The following IL1A variants were observed in gnomAD, a reference collection of about 807,000 sequenced individuals.
The protein encoded by IL1A is interleukin-1 alpha.
Under a neutral mutation model 22.2 loss-of-function variants are expected in IL1A, and 16 were observed. The ratio of observed to expected loss-of-function variants is 0.72; its 90% CI spans 0.49 to 1.09. IL1A has a LOEUF of 1.09. Ranked by LOEUF, IL1A falls within the 50% of genes least tolerant of loss-of-function variation. The pLI, the probability that IL1A is intolerant of heterozygous loss-of-function variation, is 0.00. For missense variants in IL1A, 317 were observed against 321.8 expected, an observed-to-expected ratio of 0.99 and a Z score of 0.11; for synonymous variants, 113 against 118.5, an observed-to-expected ratio of 0.95 and a Z score of 0.30.
chr2:112,781,320 G>A (rs190896909), intron 4 of IL1A, among the ~76,000 whole-genome samples: 10 of 152,262 alleles, frequency 6.6e-5, no homozygotes, highest in East Asian at 1.9e-4. Context: ...AACATAGCTC[G>A]TAAGTGGTCT....
At chr2:112,781,406 A>G (rs545591336) in intron 4 of IL1A, among the ~76,000 whole-genome samples, 198 bp downstream of exon 4, 1 of 152,318 alleles carries the variant, frequency 6.6e-6, no homozygotes, top group East Asian at 1.9e-4. Context: ...GCTGTGAGCA[A>G]GTATTCTCGA....
In IL1A at chr2:112,774,935, A is replaced by G; in HGVS notation, c.*132T>C. Reference sequence around the variant, plus strand: ...TGGTTCCACTCTTACAAAGAGTGTAAACATTCATTTAGAATTACAAGGCTC... The same window carrying G: ...TGGTTCCACTCTTACAAAGAGTGTAGACATTCATTTAGAATTACAAGGCTC... On this transcript the variant is annotated 3_prime_UTR_variant, in exon 7 of 7. Transcript: ENST00000263339. 3 of 670,498 alleles carry G rather than the reference A, an allele frequency of 4.5e-6. No homozygotes were observed. The highest frequency in any genetic ancestry group is 7.8e-6 in the Non-Finnish European group (3 of 383,478). The allele number at this position is 670,498 out of a possible 1,614,324, so 41.5% of individuals were successfully genotyped here. A position where few individuals can be genotyped will look rare whatever the true frequency, so the allele number is the denominator to read the frequency against.
intron 2 of IL1A, 84 bp from the exon 3 acceptor site, chr2:112,782,848 G>T: frequency 9.9e-7 from 1 of 1,009,480 alleles, no homozygotes; most frequent in Non-Finnish European, 1.6e-6. Flanking sequence ...CATGATAGTT[G>T]TGGGTCACAC....
chr2:112,777,006 C>T (rs982259962), intron 6 of IL1A, among the ~76,000 whole-genome samples: 1 of 152,022 alleles, frequency 6.6e-6, no homozygotes, highest in African/African-American at 2.4e-5. Context: ...CCATGACCCG[C>T]CCCCTCCTGT....
chr2:112,779,560 T>A lies in IL1A; in HGVS notation c.426A>T (p.Gln142His), dbSNP rs753694807. 6 of 1,611,494 alleles carry A rather than the reference T, an allele frequency of 3.7e-6. No homozygotes were observed. Among genetic ancestry groups the A allele is most frequent in the Non-Finnish European group, 5.1e-6 (6 of 1,178,154 alleles). ...ACTGATCATTGGCTCGAATTATACT[T>A]TGATTGAGGGCGTCATTCAGGATGA... ...YEFILNDALN[Q>H]SIIRANDQYL... The change falls in exon 5 of 7, where the codon CAA becomes CAT. Residue 142 changes from glutamine to histidine, a missense_variant. Transcript: ENST00000263339.
At chr2:112,782,629 A>G in intron 3 of IL1A, 87 bp downstream of exon 3, 1 of 982,222 alleles carries the variant, frequency 1.0e-6, no homozygotes, top group South Asian at 1.4e-5. Flanking sequence ...AAAAGTATTG[A>G]AGATTCAAGT....
At position 112,774,891 on chromosome 2, in the gene IL1A, C is replaced by T; in HGVS notation, c.*176G>A. 3.5e-6 allele frequency: 2 copies of T among 579,194 alleles called. No homozygotes were observed. The highest frequency in any genetic ancestry group is 6.2e-6 in the Non-Finnish European group (2 of 324,152). The allele number at this position is 579,194 out of a possible 1,614,324, so 35.9% of individuals were successfully genotyped here. ...AAAATATAGGGTGTTCTTTAAATAA[C>T]AACATTATATGTTAGTGTTGGTTCC... On this transcript the variant is annotated 3_prime_UTR_variant, in exon 7 of 7. Coordinates refer to ENST00000263339, the MANE Select transcript of IL1A (RefSeq NM_000575.5).
Position 112,775,258 on chromosome 2 carries a change from C to T in IL1A, c.625G>A (p.Glu209Lys), listed in dbSNP as rs144254850. ...CTACCTGTGATGGTTTTGGGTATCT[C>T]AGGCATCTCCTATGAAGAAAAGAAG... ...DQPVLLKEMPEIPKTITGSET... is the reference protein window; with the variant it reads ...DQPVLLKEMPKIPKTITGSET... Residue 209 changes from glutamate to lysine, a missense_variant, in exon 7 of 7, where the codon GAG becomes AAG. Physicochemically the swap from Glu to Lys is moderately conservative, Grantham distance 56. Coordinates refer to ENST00000263339, the MANE Select transcript of IL1A (RefSeq NM_000575.5). The T allele has an allele frequency of 1.2e-6, 2 of 1,613,242 alleles. No homozygotes were observed. The highest frequency in any genetic ancestry group is 1.7e-6 in the Non-Finnish European group (2 of 1,179,272).
chr2:112,782,477 A>G (rs1346873137), intron 3 of IL1A, among the ~76,000 whole-genome samples: 1 of 152,220 alleles, frequency 6.6e-6, no homozygotes, highest in Admixed American at 6.5e-5. Flanking sequence ...AGCCTGCCCC[A>G]GGAGACTCCA....
At chr2:112,782,610 G>A (rs1351262603) in intron 3 of IL1A, 106 bp downstream of exon 3, 4 of 808,050 alleles carry the variant, frequency 5.0e-6, no homozygotes, top group Non-Finnish European at 8.5e-6. Flanking sequence ...CCTCTAGTGA[G>A]GGTAAAACAA....
intron 4 of IL1A, 79 bp from the exon 5 acceptor site, chr2:112,779,745 A>G: frequency 1.5e-5 from 15 of 1,031,722 alleles, no homozygotes; most frequent in South Asian, 4.7e-5. Context: ...CAAACAGGGA[A>G]AATAGTTCTG....
chr2:112,782,094 G>T (rs997646007), intron 3 of IL1A, among the ~76,000 whole-genome samples: 1 of 152,210 alleles, frequency 6.6e-6, no homozygotes, highest in Non-Finnish European at 1.5e-5. Context: ...GGTTAACAAT[G>T]ATTGTAGTGA....
At chr2:112,775,724 T>C (rs1469899693) in intron 6 of IL1A, among the ~76,000 whole-genome samples, 3 of 152,096 alleles carry the variant, frequency 2.0e-5, no homozygotes, top group African/African-American at 7.2e-5. Flanking sequence ...TTTATCTCAG[T>C]ATTTAAGTCA....
intron 6 of IL1A, 36 bp downstream of exon 6, chr2:112,777,951 T>C (rs765890014): frequency 6.2e-7 from 1 of 1,611,398 alleles, no homozygotes; most frequent in South Asian, 1.1e-5. Context: ...ATATGAGATG[T>C]AAATGAAGGT....
In IL1A at chr2:112,781,691, C is replaced by T. The variant is rs138861340; in HGVS notation, c.232G>A (p.Gly78Arg). ...AACCGTCTCTTCTTCAGAACCTTCC[C>T]GTTGGTTGCTACTACCACCATGCTC... Reference protein sequence around the residue: ...KESMVVVATNGKVLKKRRLSL... With the variant: ...KESMVVVATNRKVLKKRRLSL... The change falls in exon 4 of 7, where the codon GGG becomes AGG. Residue 78 changes from glycine (G) to arginine (R), a missense_variant. Coordinates refer to ENST00000263339, the MANE Select transcript of IL1A (RefSeq NM_000575.5). 417 of 1,614,170 alleles carry T rather than the reference C, an allele frequency of 2.6e-4. 1 individual carries two copies. The African/African-American group carries it at 4.2e-3, about 16-fold the overall frequency.
chr2:112,780,485 T>G (rs189355172), intron 4 of IL1A, among the ~76,000 whole-genome samples: 1 of 152,350 alleles, frequency 6.6e-6, no homozygotes, highest in Admixed American at 6.5e-5. Flanking sequence ...ATATTGGGTT[T>G]ATAGTTCATG....
chr2:112,783,520 C>T (rs1472924176), intron 2 of IL1A, among the ~76,000 whole-genome samples: 5 of 152,182 alleles, frequency 3.3e-5, no homozygotes, highest in African/African-American at 1.2e-4. Context: ...AAATGGCGGT[C>T]TCCCTGCCAA....
At chr2:112,782,694 A>G in intron 3 of IL1A, 22 bp downstream of exon 3, 1 of 1,552,872 alleles carries the variant, frequency 6.4e-7, no homozygotes. Context: ...CAGTCCCATG[A>G]GAATTACAGT....
chr2:112,782,762 T>G lies in IL1A; in HGVS notation c.50A>C (p.Glu17Ala). 1 of 1,605,240 alleles carries G rather than the reference T, an allele frequency of 6.2e-7. No homozygotes were observed. Among genetic ancestry groups the G allele is most frequent in the South Asian group, 1.1e-5 (1 of 90,808 alleles). Residue 17 changes from glutamate to alanine, a missense_variant and splice_region_variant, in exon 3 of 7, where the codon GAA becomes GCA. Glu to Ala is a moderately radical substitution (Grantham distance 107, BLOSUM62 -1). Coordinates refer to ENST00000263339, the MANE Select transcript of IL1A (RefSeq NM_000575.5). ...MFEDLKNCYSENEEDSSSIDH... is the reference protein window; with the variant it reads ...MFEDLKNCYSANEEDSSSIDH... ...AATGGAGGAACTGTCTTCTTCATTT[T>G]CACTGTCAAAATAAGATGATGAGAA...
Sources: allele counts gnomAD v4.1 joint callset (sites outside exome capture counted in the v4.1 genomes callset), GRCh38; gene constraint gnomAD v4.1.1; transcripts MANE v1.5; gene names NCBI Gene and HGNC (gene_info 2026-07-23, HGNC 2026-07-21).